The following IFIH1 variants were observed in gnomAD, a reference collection of about 807,000 sequenced individuals.
IFIH1 encodes the protein interferon-induced helicase C domain-containing protein 1.
A neutral mutation model predicts 107.4 loss-of-function variants in IFIH1; 125 were observed. That is an observed-to-expected ratio of 1.16 (90% CI 1.01 to 1.35). The LOEUF is 1.35. IFIH1 is among the 40% of genes most tolerant of loss of function. The pLI, the probability that IFIH1 is intolerant of heterozygous loss-of-function variation, is 0.00. For missense variants in IFIH1, 1,333 were observed against 1,213.7 expected (o/e 1.10, Z -1.46); for synonymous variants, 458 against 413.2 (o/e 1.11, Z -1.31).
chr2:162,304,794 A>T (rs943005652), intron 3 of IFIH1, among the ~76,000 whole-genome samples: 1 of 152,222 alleles, frequency 6.6e-6, no homozygotes. Context: ...AATATTATTC[A>T]TTCTCGTAGA....
intron 11 of IFIH1, among the ~76,000 whole-genome samples, chr2:162,274,710 A>G (rs1691117630): frequency 6.6e-6 from 1 of 152,144 alleles, no homozygotes; most frequent in South Asian, 2.1e-4. Context: ...TACATGGGAG[A>G]AATGAGTGAG....
chr2:162,285,344 T>G (rs1682878012), intron 5 of IFIH1, among the ~76,000 whole-genome samples: 1 of 151,974 alleles, frequency 6.6e-6, no homozygotes, highest in African/African-American at 2.4e-5. Flanking sequence ...GAGATGAAAG[T>G]AAATGGTGTT....
chr2:162,295,058 A>T (rs1348073968), intron 3 of IFIH1, among the ~76,000 whole-genome samples: 2 of 152,026 alleles, frequency 1.3e-5, no homozygotes, highest in Non-Finnish European at 2.9e-5. Flanking sequence ...GAGAAGTTTG[A>T]CAAATGTATA....
intron 2 of IFIH1, among the ~76,000 whole-genome samples, chr2:162,308,628 T>C (rs1182357562): frequency 2.6e-5 from 4 of 152,216 alleles, no homozygotes; most frequent in African/African-American, 9.6e-5. Flanking sequence ...TCCACCCGTC[T>C]TGGCCTCCCA....
At chr2:162,277,882 C>T (rs1209437260) in intron 9 of IFIH1, among the ~76,000 whole-genome samples, 189 bp from the exon 10 acceptor site, 2 of 152,038 alleles carry the variant, frequency 1.3e-5, no homozygotes, top group Non-Finnish European at 2.9e-5. Context: ...AGACTTGCTG[C>T]TTGAGTTCTG....
Position 162,282,411 on chromosome 2 carries a change from G to T in IFIH1, c.1261C>A (p.Leu421Ile). ...TCTTCTCCATTTTCCAAGTTTAAGA[G>T]GGAGTTTTCAAGGATTTGAGCTGTA... is the stretch of plus-strand genomic sequence containing the variant. ...ISTAQILENS[L>I]LNLENGEDAG... The change falls in exon 6 of 16, where the codon CTC becomes ATC. Residue 421 changes from leucine to isoleucine, a missense_variant. By Grantham distance (5) the Leu-to-Ile change is conservative (BLOSUM62 2). Transcript: ENST00000649979. 1 of 1,611,576 alleles carries T rather than the reference G, an allele frequency of 6.2e-7. No homozygotes were observed. The highest frequency in any genetic ancestry group is 2.2e-5 in the East Asian group (1 of 44,790).
chr2:162,295,060 A>C (rs1295863695), intron 3 of IFIH1, among the ~76,000 whole-genome samples: 1 of 152,010 alleles, frequency 6.6e-6, no homozygotes, highest in Admixed American at 6.6e-5. Flanking sequence ...GAAGTTTGAC[A>C]AATGTATACA....
intron 3 of IFIH1, among the ~76,000 whole-genome samples, chr2:162,294,043 G>A (rs1159427390): frequency 6.6e-6 from 1 of 151,806 alleles, no homozygotes; most frequent in Non-Finnish European, 1.5e-5. Context: ...AAACCTTTGA[G>A]GTCTTTTCAT....
chr2:162,314,420 CTTT>C lies in IFIH1; in HGVS notation c.453+3432_453+3434del, dbSNP rs1558877469. On this transcript the variant is annotated intron_variant, in intron 1 of 15. Coordinates refer to ENST00000649979, the MANE Select transcript of IFIH1 (RefSeq NM_022168.4). ...CCTCCTTTCTTTCTTTCTTTCTTTT[CTTT>C]CTTTCTTTCTTTCTTTCTTTCTTTC... 5.6e-4 allele frequency among the ~76,000 whole-genome samples: 19 copies of C among 34,204 alleles called. 2 individuals are homozygous for C. Among genetic ancestry groups the C allele is most frequent in the African/African-American group, 3.2e-3 (17 of 5,338 alleles). 22.4% of individuals were successfully genotyped at this position (34,204 alleles called of 152,430 possible).
chr2:162,269,830 A>G (rs1691000126), intron 13 of IFIH1, among the ~76,000 whole-genome samples: 2 of 152,232 alleles, frequency 1.3e-5, no homozygotes, highest in South Asian at 2.1e-4. Context: ...AAACCTTGCA[A>G]GCAAGCCTGG....
At chr2:162,276,132 G>A (rs1439188649) in intron 11 of IFIH1, among the ~76,000 whole-genome samples, 1 of 152,058 alleles carries the variant, frequency 6.6e-6, no homozygotes, top group Non-Finnish European at 1.5e-5. Context: ...ATTATTATGT[G>A]GGAAAAATGA....
At chr2:162,302,915 A>T (rs1683216567) in intron 3 of IFIH1, among the ~76,000 whole-genome samples, 1 of 152,230 alleles carries the variant, frequency 6.6e-6, no homozygotes, top group South Asian at 2.1e-4. Context: ...ATGGACTAGA[A>T]GACCATTAAG....
At chr2:162,278,126 G>T in intron 9 of IFIH1, 79 bp downstream of exon 9, 2 of 1,236,242 alleles carry the variant, frequency 1.6e-6, no homozygotes, top group African/African-American at 1.5e-5. Context: ...TCCATTTTTT[G>T]GGGAATCTGT....
At chr2:162,277,821 A>C (rs1215915494) in intron 9 of IFIH1, 128 bp from the exon 10 acceptor site, 15 of 1,149,212 alleles carry the variant, frequency 1.3e-5, no homozygotes, top group Non-Finnish European at 1.7e-5. Flanking sequence ...GGGCAAGTTA[A>C]GGCTCAAAAT....
chr2:162,287,924 C>T (rs1429938691), intron 5 of IFIH1, among the ~76,000 whole-genome samples: 4 of 151,794 alleles, frequency 2.6e-5, no homozygotes, highest in African/African-American at 9.7e-5. Flanking sequence ...GGTATAATGT[C>T]CTAGTTTTAT....
intron 12 of IFIH1, among the ~76,000 whole-genome samples, 198 bp from the exon 13 acceptor site, chr2:162,272,585 G>A (rs1004517250): frequency 6.6e-6 from 1 of 152,118 alleles, no homozygotes; most frequent in South Asian, 2.1e-4. Flanking sequence ...CTTATAATAT[G>A]CTTTAATACA....
At chr2:162,272,512 T>C in intron 12 of IFIH1, 125 bp from the exon 13 acceptor site, 1 of 749,202 alleles carries the variant, frequency 1.3e-6, no homozygotes, top group Admixed American at 2.9e-5. Context: ...ATGCCAGTCT[T>C]CAAATGGGTA....
chr2:162,276,359 T>C (rs1691154735), intron 11 of IFIH1, among the ~76,000 whole-genome samples: 1 of 152,104 alleles, frequency 6.6e-6, no homozygotes, highest in Non-Finnish European at 1.5e-5. Flanking sequence ...TCTCAATACT[T>C]TGGAAGGCAG....
chr2:162,300,881 G>A (rs1022888405), intron 3 of IFIH1, among the ~76,000 whole-genome samples: 34 of 152,096 alleles, frequency 2.2e-4, no homozygotes, highest in African/African-American at 7.0e-4. Flanking sequence ...ACATTATTCT[G>A]GTCCTCAAGT....
Sources: allele counts gnomAD v4.1 joint callset (sites outside exome capture counted in the v4.1 genomes callset), GRCh38; gene constraint gnomAD v4.1.1; transcripts MANE v1.5; gene names NCBI Gene and HGNC (gene_info 2026-07-23, HGNC 2026-07-21).